Variants in XYLT1 observed in about 807,000 individuals in gnomAD.
The protein encoded by XYLT1 is xylosyltransferase 1, also known as beta-D-xylosyltransferase 1.
Under a neutral mutation model 91.3 loss-of-function variants are expected in XYLT1, and 36 were observed. That is an observed-to-expected ratio of 0.39 (90% CI 0.30 to 0.52). The LOEUF is 0.52. Among genes scored for constraint, XYLT1 ranks in the 20% least tolerant of loss-of-function variants. The pLI, the probability that XYLT1 is intolerant of heterozygous loss-of-function variation, is 0.68. For synonymous variants in XYLT1, 588 were observed against 532.0 expected, an observed-to-expected ratio of 1.11 and a Z score of -1.45; for missense variants, 1,242 against 1,284.5, an observed-to-expected ratio of 0.97 and a Z score of 0.51.
intron 1 of XYLT1, among the ~76,000 whole-genome samples, chr16:17,454,447 A>G (rs960596456): frequency 6.6e-6 from 1 of 151,916 alleles, no homozygotes; most frequent in Non-Finnish European, 1.5e-5. Flanking sequence ...CAACTACTCA[A>G]TTGTGCTGTC....
At chr16:17,431,393 G>T (rs1439171610) in intron 1 of XYLT1, among the ~76,000 whole-genome samples, 2 of 152,154 alleles carry the variant, frequency 1.3e-5, no homozygotes, top group African/African-American at 4.8e-5. Flanking sequence ...AGGGGATGCT[G>T]AGGCTGCGTG....
intron 1 of XYLT1, among the ~76,000 whole-genome samples, chr16:17,375,832 A>T (rs1287422350): frequency 1.3e-5 from 2 of 152,216 alleles, no homozygotes; most frequent in East Asian, 3.9e-4. Context: ...GCCTTTCACT[A>T]CCATGCCCTG....
chr16:17,370,113 A>T (rs1183805766), intron 1 of XYLT1, among the ~76,000 whole-genome samples: 1 of 152,278 alleles, frequency 6.6e-6, no homozygotes, highest in Admixed American at 6.5e-5. Flanking sequence ...CACCAATTTT[A>T]TACAATGAGC....
intron 3 of XYLT1, among the ~76,000 whole-genome samples, chr16:17,206,873 C>T (rs1368552384): frequency 6.6e-6 from 1 of 152,150 alleles, no homozygotes; most frequent in Admixed American, 6.5e-5. Context: ...TGGAAACCAC[C>T]ACTTGGGTGT....
intron 2 of XYLT1, among the ~76,000 whole-genome samples, chr16:17,337,422 C>T (rs951318528): frequency 6.6e-6 from 1 of 152,246 alleles, no homozygotes; most frequent in East Asian, 1.9e-4. Context: ...AGGGCTCAAG[C>T]GATTGGCCAG....
intron 2 of XYLT1, among the ~76,000 whole-genome samples, chr16:17,287,101 C>G (rs1215600437): frequency 6.6e-6 from 1 of 152,140 alleles, no homozygotes; most frequent in African/African-American, 2.4e-5. Flanking sequence ...CTACTTAACT[C>G]CCTCCTGTAG....
In XYLT1 at chr16:17,259,050, T is replaced by C; in HGVS notation, c.851A>G (p.Tyr284Cys). 1 of 1,517,318 alleles carries C rather than the reference T, an allele frequency of 6.6e-7. No individual in the cohort carries two copies. Among genetic ancestry groups the C allele is most frequent in the Non-Finnish European group, 8.8e-7 (1 of 1,133,234 alleles). 94.0% of individuals were successfully genotyped at this position (1,517,318 alleles called of 1,614,324 possible). The stretch of plus-strand genomic sequence containing the variant: ...CAGCAGCCCTAACTTGTGGCGGCAG[T>C]AAGTCTCCCCAATCTCCTGGCGGCA... ...KHCRQEIGETYCRHKLGLLMP... is the reference protein window; with the variant it reads ...KHCRQEIGETCCRHKLGLLMP... Residue 284 changes from tyrosine (Y) to cysteine (C), a missense_variant, in exon 3 of 12, where the codon TAC becomes TGC. This residue lies in a region of XYLT1 where 437 missense variants were observed against 411.5 expected (regional missense o/e 1.06). Coordinates refer to ENST00000261381, the MANE Select transcript of XYLT1 (RefSeq NM_022166.4).
intron 2 of XYLT1, among the ~76,000 whole-genome samples, chr16:17,316,421 C>T (rs2034633608): frequency 1.3e-5 from 2 of 152,038 alleles, no homozygotes; most frequent in African/African-American, 4.8e-5. Flanking sequence ...ATTTTTGAGA[C>T]AGTCTCTCTC....
intron 1 of XYLT1, among the ~76,000 whole-genome samples, chr16:17,468,706 T>C (rs1226095986): frequency 6.6e-6 from 1 of 152,110 alleles, no homozygotes; most frequent in Non-Finnish European, 1.5e-5. Flanking sequence ...TCTTCATTTG[T>C]TTCAACAGGT....
intron 5 of XYLT1, among the ~76,000 whole-genome samples, chr16:17,159,758 C>T (rs548437544): frequency 2.6e-5 from 4 of 152,322 alleles, no homozygotes; most frequent in African/African-American, 9.6e-5. Context: ...CCAAATTTAT[C>T]CCCATCAATC....
intron 1 of XYLT1, among the ~76,000 whole-genome samples, chr16:17,435,191 C>A (rs2036441556): frequency 6.6e-6 from 1 of 152,346 alleles, no homozygotes; most frequent in South Asian, 2.1e-4. Context: ...AGTGTCAGTA[C>A]ATTAAGAACC....
rs769075682 is a variant in XYLT1, at chr16:17,134,508, C to G, written c.1992G>C (p.Glu664Asp). 167 of 1,614,078 alleles carry G rather than the reference C, an allele frequency of 1.0e-4. No individual in the cohort carries two copies. Among genetic ancestry groups the G allele is most frequent in the Non-Finnish European group, 1.4e-4 (161 of 1,180,052 alleles). ...TCTCCCCATCCGTGTGCAGGGACGTCTCGGCCCGTCGAAGACCCAGGCGGG... is the reference window on the plus strand; with the variant it reads ...TCTCCCCATCCGTGTGCAGGGACGTGTCGGCCCGTCGAAGACCCAGGCGGG... The part of the protein sequence containing the change: ...SFARLGLRRA[E>D]TSLHTDGENS... The change falls in exon 9 of 12, where the codon GAG becomes GAC. Residue 664 changes from glutamate (E) to aspartate (D), a missense_variant. Physicochemically the swap from Glu to Asp is conservative, Grantham distance 45 (BLOSUM62 2). Coordinates refer to ENST00000261381, the MANE Select transcript of XYLT1 (RefSeq NM_022166.4).
intron 1 of XYLT1, among the ~76,000 whole-genome samples, chr16:17,417,560 G>A (rs2036195521): frequency 6.6e-6 from 1 of 152,100 alleles, no homozygotes; most frequent in Non-Finnish European, 1.5e-5. Context: ...AGCTCTCTTA[G>A]CATCAAGACT....
intron 1 of XYLT1, chr16:17,446,171 G>A (rs1465679655): frequency 1.3e-5 from 2 of 152,198 alleles, no homozygotes; most frequent in African/African-American, 4.8e-5. Context: ...AAGCCCAGTT[G>A]TGCAGGCTGG....
intron 10 of XYLT1, among the ~76,000 whole-genome samples, chr16:17,120,681 T>C (rs1416261642): frequency 6.6e-6 from 1 of 152,134 alleles, no homozygotes; most frequent in Admixed American, 6.5e-5. Flanking sequence ...TCTTTTAATT[T>C]ACAGGTCTCT....
chr16:17,432,233 G>T (rs1165616972), intron 1 of XYLT1, among the ~76,000 whole-genome samples: 1 of 152,290 alleles, frequency 6.6e-6, no homozygotes, highest in East Asian at 1.9e-4. Context: ...CTACCCAAGA[G>T]AAATGAAAAC....
chr16:17,469,160 C>G (rs1447737459), intron 1 of XYLT1, among the ~76,000 whole-genome samples: 1 of 152,220 alleles, frequency 6.6e-6, no homozygotes, highest in Non-Finnish European at 1.5e-5. Flanking sequence ...CAGAAAGGGT[C>G]GCACAGACTC....
intron 2 of XYLT1, among the ~76,000 whole-genome samples, chr16:17,309,843 T>C (rs16968713): frequency 0.02 from 3,068 of 152,308 alleles, 114 homozygotes; most frequent in African/African-American, 0.069. Context: ...GGAAAAATCA[T>C]GCTTCTTGCT....
intron 1 of XYLT1, among the ~76,000 whole-genome samples, chr16:17,415,800 T>C (rs1014705698): frequency 3.3e-5 from 5 of 152,144 alleles, no homozygotes; most frequent in Admixed American, 2.6e-4. Context: ...CGAGATTCCA[T>C]TTGCTGTGCA....
Sources: allele counts gnomAD v4.1 joint callset (sites outside exome capture counted in the v4.1 genomes callset), GRCh38; gene constraint gnomAD v4.1.1; regional missense constraint gnomAD v4.1.1; transcripts MANE v1.5; gene names NCBI Gene and HGNC (gene_info 2026-07-23, HGNC 2026-07-21).